ARHGEF10L: variants seen among roughly 807,000 people sequenced by gnomAD.
ARHGEF10L encodes rho guanine nucleotide exchange factor 10-like protein.
A neutral mutation model predicts 141.2 loss-of-function variants in ARHGEF10L; 69 were observed. That is an observed-to-expected ratio of 0.49 (90% CI 0.40 to 0.60). ARHGEF10L has a LOEUF of 0.60. ARHGEF10L is among the 20% of genes least tolerant of loss of function. ARHGEF10L has a pLI of 0.00. For synonymous variants in ARHGEF10L, 711 were observed against 718.5 expected, an observed-to-expected ratio of 0.99 and a Z score of 0.17; for missense variants, 1,482 against 1,734.3, an observed-to-expected ratio of 0.85 and a Z score of 2.58.
At chr1:17,583,946 G>A (rs2078805528) in intron 2 of ARHGEF10L, among the ~76,000 whole-genome samples, 1 of 152,128 alleles carries the variant, frequency 6.6e-6, no homozygotes, top group African/African-American at 2.4e-5. Context: ...CAAATTCCTG[G>A]GCTCAAGCCA....
At chr1:17,546,355 T>A (rs1037894207) in intron 1 of ARHGEF10L, among the ~76,000 whole-genome samples, 3 of 152,238 alleles carry the variant, frequency 2.0e-5, no homozygotes, top group African/African-American at 7.2e-5. Flanking sequence ...TTTAGGCAGA[T>A]AATTGAGAAC....
Position 17,607,658 on chromosome 1 carries a change from G to A in ARHGEF10L, c.434-144G>A, listed in dbSNP as rs1159576486. 5.3e-6 allele frequency: 4 copies of A among 751,976 alleles called. No individual in the cohort carries two copies. In the African/African-American group the frequency reaches 7.4e-5, roughly 14 times the overall value. 46.6% of individuals were successfully genotyped at this position (751,976 alleles called of 1,614,324 possible). On this transcript the variant is annotated intron_variant, in intron 6 of 28. Coordinates refer to ENST00000361221, the MANE Select transcript of ARHGEF10L (RefSeq NM_018125.4). The surrounding 1 kb of genome is among the most constrained non-coding windows in gnomAD (Gnocchi z 4.5). ...ATTATCATCTTCGTTTCATGGTTGA[G>A]GAGGTAGAGCTGGAGCCCCAGGGCC...
chr1:17,665,486 A>G (rs2062917251), intron 26 of ARHGEF10L, among the ~76,000 whole-genome samples: 1 of 151,918 alleles, frequency 6.6e-6, no homozygotes, highest in South Asian at 2.1e-4. Context: ...CTGGGGGCTG[A>G]GTCTGGGGGA....
At position 17,638,788 on chromosome 1, in the gene ARHGEF10L, G is replaced by A. The variant is rs556601407; in HGVS notation, c.2171+99G>A. 56 of 1,535,382 alleles carry A rather than the reference G, an allele frequency of 3.6e-5. 1 individual carries two copies. The highest frequency in any genetic ancestry group is 1.5e-4 in the African/African-American group (11 of 73,284). On this transcript the variant is annotated intron_variant, in intron 20 of 28. Coordinates refer to ENST00000361221, the MANE Select transcript of ARHGEF10L (RefSeq NM_018125.4). ...GGTACCTGGAGCCCTCTTATTTGTC[G>A]AGATGCCATGGTGGGAGTGGATATG... is the stretch of plus-strand genomic sequence containing the variant.
At chr1:17,616,730 G>A (rs2059828580) in intron 9 of ARHGEF10L, among the ~76,000 whole-genome samples, 1 of 152,228 alleles carries the variant, frequency 6.6e-6, no homozygotes, top group Non-Finnish European at 1.5e-5. Flanking sequence ...GGTCCACTGG[G>A]GTGCCCTGGG....
intron 2 of ARHGEF10L, among the ~76,000 whole-genome samples, 173 bp from the exon 3 acceptor site, chr1:17,587,287 C>T (rs1390712879): frequency 1.3e-5 from 2 of 152,216 alleles, no homozygotes; most frequent in African/African-American, 4.8e-5. Context: ...AACCCCCTCC[C>T]CCCGGCCTTA....
At chr1:17,529,694 TGGG>T in the ARHGEF10L span, among the ~76,000 whole-genome samples, 1 of 151,684 alleles carries the variant, frequency 6.6e-6, no homozygotes, top group African/African-American at 2.4e-5. Context: ...TCAGAGGAGG[TGGG>T]TGGCACTGGA....
At chr1:17,543,221 C>A (rs2076794465) in intron 1 of ARHGEF10L, among the ~76,000 whole-genome samples, 1 of 152,104 alleles carries the variant, frequency 6.6e-6, no homozygotes, top group Non-Finnish European at 1.5e-5. Flanking sequence ...CCAGCTCACA[C>A]CTACACATAA....
At chr1:17,541,562 G>C (rs1400406470) in intron 1 of ARHGEF10L, among the ~76,000 whole-genome samples, 1 of 152,238 alleles carries the variant, frequency 6.6e-6, no homozygotes, top group Non-Finnish European at 1.5e-5. Context: ...TGGGTGTGGT[G>C]GCTCACCCTT....
In ARHGEF10L at chr1:17,621,294, G is replaced by T. The variant is rs779880923; in HGVS notation, c.943-570G>T. 6.6e-6 allele frequency among the ~76,000 whole-genome samples: 1 copy of T among 152,016 alleles called. No individual in the cohort carries two copies. The highest frequency in any genetic ancestry group is 1.5e-5 in the Non-Finnish European group (1 of 68,008). On this transcript the variant is annotated intron_variant, in intron 10 of 28. Transcript: ENST00000361221. This position sits in a 1 kb window ranked among gnomAD's most constrained non-coding sequence, Gnocchi z 4.1. ...GTTGCCCAGGCTGGAGTGCAGTGGC[G>T]CGATCTTGGCCCACTGCAACCTCTG...
intron 2 of ARHGEF10L, among the ~76,000 whole-genome samples, chr1:17,581,202 C>T (rs111835411): frequency 0.016 from 2,379 of 145,592 alleles, 73 homozygotes; most frequent in African/African-American, 0.057. Context: ...ATCTCAGCTA[C>T]TTGAGAGGCT....
chr1:17,531,138 G>A, the ARHGEF10L span, among the ~76,000 whole-genome samples: 22 of 152,366 alleles, frequency 1.4e-4, no homozygotes, highest in South Asian at 2.9e-3. Context: ...TAGATGCACA[G>A]TAAAAGTGGG....
intron 26 of ARHGEF10L, among the ~76,000 whole-genome samples, chr1:17,677,227 C>T (rs2063779993): frequency 6.6e-6 from 1 of 152,190 alleles, no homozygotes; most frequent in African/African-American, 2.4e-5. Flanking sequence ...CCTGATTTTG[C>T]CTTCAGTGCT....
At chr1:17,605,483 C>T (rs1039027390) in intron 6 of ARHGEF10L, among the ~76,000 whole-genome samples, 3 of 152,164 alleles carry the variant, frequency 2.0e-5, no homozygotes, top group South Asian at 2.1e-4. Flanking sequence ...GAGGAGTTGG[C>T]CCTCGGGCTG....
At chr1:17,592,580 G>A (rs2079644832) in intron 4 of ARHGEF10L, among the ~76,000 whole-genome samples, 1 of 152,202 alleles carries the variant, frequency 6.6e-6, no homozygotes, top group Admixed American at 6.5e-5. Flanking sequence ...TATTGGCACA[G>A]GATGGAAACA....
At chr1:17,677,116 C>T (rs1027161572) in intron 26 of ARHGEF10L, among the ~76,000 whole-genome samples, 5 of 152,080 alleles carry the variant, frequency 3.3e-5, no homozygotes, top group African/African-American at 1.2e-4. Flanking sequence ...CAGAGGCAGT[C>T]GCTTGCCTGC....
chr1:17,595,358 A>C (rs1465015719), intron 4 of ARHGEF10L, among the ~76,000 whole-genome samples: 13 of 151,402 alleles, frequency 8.6e-5, no homozygotes, highest in Admixed American at 8.6e-4. Flanking sequence ...TCCATGTCTG[A>C]CCAAGCCCTG....
At chr1:17,681,482 A>C (rs924717457) in intron 26 of ARHGEF10L, among the ~76,000 whole-genome samples, 12 of 152,186 alleles carry the variant, frequency 7.9e-5, no homozygotes, top group Non-Finnish European at 1.6e-4. Context: ...TTAATCTAGA[A>C]TAATCCCTTT....
intron 23 of ARHGEF10L, among the ~76,000 whole-genome samples, chr1:17,655,243 CCATCCATCCAT>C (rs1463176952): frequency 6.6e-6 from 1 of 152,192 alleles, no homozygotes; most frequent in Non-Finnish European, 1.5e-5. Context: ...CATGGTATAT[CCATCCATCCAT>C]CATCCATCCA....
Sources: gnomAD v4.1 joint callset for allele counts (sites outside exome capture counted in the v4.1 genomes callset) on GRCh38, gnomAD v4.1.1 for gene constraint, Gnocchi (gnomAD v3.1) non-coding constraint, MANE v1.5 for transcripts, NCBI Gene and HGNC (gene_info 2026-07-23, HGNC 2026-07-21) for gene names.